The following EPM2A variants were observed in gnomAD, a reference collection of about 807,000 sequenced individuals.
EPM2A encodes laforin.
In EPM2A, 21 loss-of-function variants were observed where a neutral mutation model predicts 26.5. The observed-to-expected ratio is 0.79, with a 90% CI of 0.56 to 1.14. The LOEUF is 1.14. Among genes scored for constraint, EPM2A ranks in the 50% most tolerant of loss-of-function variants. The pLI, the probability that EPM2A is intolerant of heterozygous loss-of-function variation, is 0.00. For missense variants in EPM2A, 458 were observed against 440.8 expected (o/e 1.04, Z -0.35); for synonymous variants, 217 against 177.6 (o/e 1.22, Z -1.76).
In EPM2A at chr6:145,705,459, G is replaced by A. The variant is rs1782169631; in HGVS notation, c.302-19163C>T. On this transcript the variant is annotated intron_variant, in intron 1 of 3. Coordinates refer to ENST00000367519, the MANE Select transcript of EPM2A (RefSeq NM_005670.4). ...AGTCTCAGCTACTTGGGAGGCTGAGGTGGGAAGGTCACCTGAGCCAGAGAG... is the reference window on the plus strand; with the variant it reads ...AGTCTCAGCTACTTGGGAGGCTGAGATGGGAAGGTCACCTGAGCCAGAGAG... 2.2e-5 allele frequency: 9 copies of A among 409,914 alleles called. No individual in the cohort carries two copies. In the Admixed American group the frequency reaches 2.6e-4, roughly 12 times the overall value. 25.4% of individuals were successfully genotyped at this position (409,914 alleles called of 1,614,324 possible).
chr6:145,490,516 C>A, intron 4 of EPM2A: 3 of 717,018 alleles, frequency 4.2e-6, no homozygotes, highest in South Asian at 4.2e-5. Flanking sequence ...CTGCTTCTCA[C>A]AGTACTGACA....
At chr6:145,681,897 T>C (rs1780564219) in intron 2 of EPM2A, among the ~76,000 whole-genome samples, 1 of 152,130 alleles carries the variant, frequency 6.6e-6, no homozygotes, top group African/African-American at 2.4e-5. Context: ...TAAAGTCCTA[T>C]TTTCATACCC....
intron 1 of EPM2A, chr6:145,721,560 T>C (rs1326870481): frequency 6.6e-6 from 1 of 152,218 alleles, no homozygotes. Context: ...ACCACAGCTC[T>C]TTCAGAAAAA....
chr6:145,421,138 A>G (rs1003511248), intron 4 of EPM2A, among the ~76,000 whole-genome samples: 15 of 152,314 alleles, frequency 9.8e-5, no homozygotes, highest in Admixed American at 2.0e-4. Context: ...TGGTAACACT[A>G]ACTGTTTTTG....
chr6:145,440,542 A>G (rs1029660182), intron 4 of EPM2A, among the ~76,000 whole-genome samples: 2 of 152,194 alleles, frequency 1.3e-5, no homozygotes, highest in Non-Finnish European at 2.9e-5. Context: ...CACAGTCCAA[A>G]GTCTCATCTG....
intron 2 of EPM2A, among the ~76,000 whole-genome samples, chr6:145,552,771 C>T (rs1312044331): frequency 6.6e-6 from 1 of 152,002 alleles, no homozygotes; most frequent in Non-Finnish European, 1.5e-5. Flanking sequence ...TGTTTCTACC[C>T]AGGTGTGGGC....
At chr6:145,624,692 G>A (rs1775709083), downstream of EPM2A, among the ~76,000 whole-genome samples, 1 of 152,170 alleles carries the variant, frequency 6.6e-6, no homozygotes, top group Non-Finnish European at 1.5e-5. Flanking sequence ...TAGCTCTTCA[G>A]TGATTTTTCA....
intron 1 of EPM2A, among the ~76,000 whole-genome samples, chr6:145,688,434 T>C (rs568373816): frequency 7.1e-4 from 108 of 152,254 alleles, no homozygotes; most frequent in Non-Finnish European, 1.1e-3. Context: ...TAATTCAATA[T>C]ACAGTGGCAC....
intron 4 of EPM2A, among the ~76,000 whole-genome samples, chr6:145,486,520 A>G (rs1779680165): frequency 6.6e-6 from 1 of 152,286 alleles, no homozygotes; most frequent in East Asian, 1.9e-4. Flanking sequence ...AACTAGAGTC[A>G]TCATATTTTA....
intron 2 of EPM2A, among the ~76,000 whole-genome samples, chr6:145,607,944 T>TA (rs1433144922): frequency 6.6e-6 from 1 of 152,232 alleles, no homozygotes; most frequent in African/African-American, 2.4e-5. Flanking sequence ...CTTACCATGT[T>TA]ACTGCCTTGC....
chr6:145,609,412 T>A (rs1013410403), intron 2 of EPM2A, among the ~76,000 whole-genome samples: 3 of 152,212 alleles, frequency 2.0e-5, no homozygotes, highest in African/African-American at 7.2e-5. Flanking sequence ...CAAAGAATTG[T>A]GAGTAAAAAT....
At chr6:145,535,195 C>A (rs1448203587) in intron 2 of EPM2A, among the ~76,000 whole-genome samples, 7 of 152,188 alleles carry the variant, frequency 4.6e-5, no homozygotes, top group Non-Finnish European at 2.9e-5. Context: ...ACAAGCCAGG[C>A]AAGGCTCCAG....
At chr6:145,617,721 T>C (rs938751581) in intron 2 of EPM2A, among the ~76,000 whole-genome samples, 4 of 152,176 alleles carry the variant, frequency 2.6e-5, no homozygotes, top group African/African-American at 9.6e-5. Context: ...GGAGTGTCAC[T>C]TAATCCCAGG....
intron 4 of EPM2A, among the ~76,000 whole-genome samples, chr6:145,453,547 GA>G (rs1458139416): frequency 6.6e-6 from 1 of 152,006 alleles, no homozygotes; most frequent in Middle Eastern, 3.2e-3. Flanking sequence ...GCTGTAACTT[GA>G]CCCTGGTGTT....
At chr6:145,512,018 G>A (rs190363082) in intron 2 of EPM2A, among the ~76,000 whole-genome samples, 11 of 151,988 alleles carry the variant, frequency 7.2e-5, no homozygotes, top group Non-Finnish European at 1.2e-4. Flanking sequence ...ACAACAGCCA[G>A]AATAAAGCGT....
At chr6:145,581,590 T>C (rs552946775) in intron 2 of EPM2A, among the ~76,000 whole-genome samples, 1 of 152,194 alleles carries the variant, frequency 6.6e-6, no homozygotes, top group Non-Finnish European at 1.5e-5. Flanking sequence ...TCCAAAATGG[T>C]ATTTCCAGAT....
At chr6:145,588,069 C>A (rs1482372968) in intron 2 of EPM2A, among the ~76,000 whole-genome samples, 13 of 152,222 alleles carry the variant, frequency 8.5e-5, no homozygotes, top group African/African-American at 3.1e-4. Context: ...ACAATGAACA[C>A]CAAAAACCTC....
downstream of EPM2A, among the ~76,000 whole-genome samples, chr6:145,622,467 T>G (rs907375062): frequency 6.6e-6 from 1 of 152,228 alleles, no homozygotes; most frequent in African/African-American, 2.4e-5. Flanking sequence ...TACTTCAGAA[T>G]GTGACCTTAT....
At chr6:145,470,811 G>T (rs1779463735) in intron 4 of EPM2A, among the ~76,000 whole-genome samples, 1 of 152,108 alleles carries the variant, frequency 6.6e-6, no homozygotes, top group African/African-American at 2.4e-5. Context: ...TTCATTAAAT[G>T]CTTTAGCTAC....
Sources: allele counts gnomAD v4.1 joint callset (sites outside exome capture counted in the v4.1 genomes callset), GRCh38; gene constraint gnomAD v4.1.1; transcripts MANE v1.5; gene names NCBI Gene and HGNC (gene_info 2026-07-23, HGNC 2026-07-21).